PARD3: variants seen among roughly 807,000 people sequenced by gnomAD.
The protein encoded by PARD3 is par-3 family cell polarity regulator, also known as partitioning defective 3 homolog.
PARD3 carries 75 observed loss-of-function variants against 155.4 expected under a neutral mutation model. The observed-to-expected ratio is 0.48, with a 90% CI of 0.40 to 0.58. PARD3 has a LOEUF of 0.58. Ranked by LOEUF, PARD3 falls within the 20% of genes least tolerant of loss-of-function variation. The pLI, the probability that PARD3 is intolerant of heterozygous loss-of-function variation, is 0.00. For missense variants in PARD3, 1,642 were observed against 1,721.7 expected, an observed-to-expected ratio of 0.95 and a Z score of 0.82; for synonymous variants, 576 against 610.5, an observed-to-expected ratio of 0.94 and a Z score of 0.83.
At chr10:34,358,290 A>G (rs1251325395) in intron 14 of PARD3, among the ~76,000 whole-genome samples, 3 of 152,178 alleles carry the variant, frequency 2.0e-5, no homozygotes, top group African/African-American at 7.2e-5. Flanking sequence ...ATGTTTTTCC[A>G]TATTTGGGAA....
intron 2 of PARD3, among the ~76,000 whole-genome samples, chr10:34,620,868 T>C (rs2091624324): frequency 6.6e-6 from 1 of 152,176 alleles, no homozygotes; most frequent in East Asian, 1.9e-4. Flanking sequence ...AAAAACCACA[T>C]ATGCACAAAA....
chr10:34,445,330 G>A (rs2076683115), intron 5 of PARD3, among the ~76,000 whole-genome samples: 1 of 152,134 alleles, frequency 6.6e-6, no homozygotes, highest in African/African-American at 2.4e-5. Context: ...TTGAGAGGGA[G>A]TTTTGTTTTG....
At chr10:34,581,550 CA>C (rs2087489763) in intron 2 of PARD3, among the ~76,000 whole-genome samples, 1 of 152,010 alleles carries the variant, frequency 6.6e-6, no homozygotes, top group South Asian at 2.1e-4. Flanking sequence ...GGTTATTTTT[CA>C]AAGATTTTTG....
intron 2 of PARD3, among the ~76,000 whole-genome samples, chr10:34,536,477 G>C (rs1589922506): frequency 6.6e-6 from 1 of 152,164 alleles, no homozygotes; most frequent in Non-Finnish European, 1.5e-5. Flanking sequence ...GTGGGAAAAG[G>C]CCTAAGCTCT....
intron 2 of PARD3, among the ~76,000 whole-genome samples, chr10:34,583,445 A>AT (rs964205176): frequency 1.3e-4 from 20 of 151,554 alleles, no homozygotes; most frequent in Middle Eastern, 3.4e-3. Flanking sequence ...TGTCTTTTTG[A>AT]TTTTTTTTTA....
At chr10:34,518,722 T>G (rs11009809) in intron 2 of PARD3, among the ~76,000 whole-genome samples, 3,442 of 152,220 alleles carry the variant, frequency 0.023, 117 homozygotes, top group African/African-American at 0.078. Context: ...GCAACAGAAA[T>G]CATCATTAGG....
chr10:34,241,369 G>A (rs141162931), intron 22 of PARD3, among the ~76,000 whole-genome samples: 48 of 152,280 alleles, frequency 3.2e-4, no homozygotes, highest in South Asian at 2.5e-3. Context: ...CAGCGTGGCT[G>A]GACAGTGAAC....
At chr10:34,464,138 G>A (rs981271069) in intron 4 of PARD3, among the ~76,000 whole-genome samples, 4 of 150,914 alleles carry the variant, frequency 2.7e-5, no homozygotes, top group African/African-American at 9.8e-5. Context: ...AAAAAAGACC[G>A]AGCCCTGAAA....
chr10:34,701,653 G>C (rs1166984834), intron 1 of PARD3, among the ~76,000 whole-genome samples: 1 of 152,090 alleles, frequency 6.6e-6, no homozygotes, highest in Non-Finnish European at 1.5e-5. Context: ...CCAGTGCTTT[G>C]GGAGGCAGGG....
chr10:34,112,666 C>T (rs538257772), intron 24 of PARD3, among the ~76,000 whole-genome samples: 3 of 152,212 alleles, frequency 2.0e-5, no homozygotes, highest in African/African-American at 4.8e-5. Context: ...AAGATTTTCA[C>T]GGAAGGAAAA....
At chr10:34,392,043 G>A (rs1358087621) in intron 7 of PARD3, among the ~76,000 whole-genome samples, 1 of 152,116 alleles carries the variant, frequency 6.6e-6, no homozygotes, top group Non-Finnish European at 1.5e-5. Context: ...TGTGGTCGCA[G>A]CTACTAGGGA....
intron 2 of PARD3, among the ~76,000 whole-genome samples, chr10:34,517,727 A>C (rs2081878054): frequency 6.6e-6 from 1 of 151,844 alleles, no homozygotes; most frequent in Non-Finnish European, 1.5e-5. Context: ...CACACACACC[A>C]AGAATGAACA....
At position 34,311,246 on chromosome 10, in the gene PARD3, A is replaced by C. The variant is rs559096992; in HGVS notation, c.3065+5861T>G. Among the ~76,000 whole-genome samples, 118 of 151,982 alleles carry C rather than the reference A, an allele frequency of 7.8e-4. 1 individual carries two copies. Among genetic ancestry groups the C allele is most frequent in the African/African-American group, 2.7e-3 (110 of 41,458 alleles). On this transcript the variant is annotated intron_variant, in intron 20 of 24. Transcript: ENST00000374788. ...TACCCTTTATCAGATGGTTTTCAAG[A>C]CTTCAGTTATTTATTTTTTTTTATT...
At chr10:34,112,436 T>C (rs780058074) in intron 24 of PARD3, among the ~76,000 whole-genome samples, 6 of 152,360 alleles carry the variant, frequency 3.9e-5, no homozygotes, top group Non-Finnish European at 8.8e-5. Context: ...GATGGTTTTA[T>C]GAATTTACAA....
intron 6 of PARD3, 43 bp from the exon 7 acceptor site, chr10:34,399,456 A>G: frequency 8.1e-7 from 1 of 1,241,218 alleles, no homozygotes; most frequent in Non-Finnish European, 1.2e-6. Flanking sequence ...CGTGTACTGT[A>G]AACAAACCAA....
intron 14 of PARD3, among the ~76,000 whole-genome samples, chr10:34,350,217 G>A (rs1837895519): frequency 6.6e-6 from 1 of 152,216 alleles, no homozygotes; most frequent in Non-Finnish European, 1.5e-5. Context: ...TTAGGAAATA[G>A]AAATGTGTCA....
chr10:34,584,571 A>C (rs1338084197), intron 2 of PARD3, among the ~76,000 whole-genome samples: 1 of 152,184 alleles, frequency 6.6e-6, no homozygotes, highest in East Asian at 1.9e-4. Flanking sequence ...GTGTCCAACT[A>C]ATCGAGCGGA....
intron 2 of PARD3, among the ~76,000 whole-genome samples, chr10:34,639,271 C>A (rs1305869983): frequency 6.6e-6 from 1 of 152,056 alleles, no homozygotes; most frequent in Admixed American, 6.5e-5. Flanking sequence ...TGGCACGTGA[C>A]TGTAATCCCA....
chr10:34,331,233 T>C lies in PARD3; in HGVS notation c.2717A>G (p.His906Arg), dbSNP rs147419521. 48 of 1,613,920 alleles carry C rather than the reference T, an allele frequency of 3.0e-5. No homozygotes were observed. Among genetic ancestry groups the C allele is most frequent in the Non-Finnish European group, 3.8e-5 (45 of 1,179,994 alleles). ...EVTLNGDIPF[H>R]RPRPRIIRGR... is the part of the protein sequence containing the mutation. ...TCTGATTATCCGCGGCCGTGGACGA[T>C]GGAAAGGAATATCCCCATTCAAAGT... The change falls in exon 19 of 25, where the codon CAT (histidine) becomes CGT (arginine). Residue 906 changes from histidine to arginine, a missense_variant. This residue lies in a region of PARD3 where 1,529 missense variants were observed against 1,587.3 expected (regional missense o/e 0.96). Transcript: ENST00000374788.
Sources: allele counts gnomAD v4.1 joint callset (sites outside exome capture counted in the v4.1 genomes callset), GRCh38; gene constraint gnomAD v4.1.1; regional missense constraint gnomAD v4.1.1; transcripts MANE v1.5; gene names NCBI Gene and HGNC (gene_info 2026-07-23, HGNC 2026-07-21).